The following ANKRD44 variants were observed in gnomAD, a reference collection of about 807,000 sequenced individuals.
ANKRD44 encodes serine/threonine-protein phosphatase 6 regulatory ankyrin repeat subunit B.
In ANKRD44, 35 loss-of-function variants were observed where a neutral mutation model predicts 116.0. The observed-to-expected ratio is 0.30, with a 90% CI of 0.23 to 0.40. The LOEUF (loss-of-function observed/expected upper bound fraction) is 0.40, where lower values mean the gene tolerates loss of function less well. Ranked by LOEUF, ANKRD44 falls within the 10% of genes least tolerant of loss-of-function variation. ANKRD44 has a pLI of 1.00. For missense variants in ANKRD44, 1,014 were observed against 1,242.6 expected (o/e 0.82, Z 2.77); for synonymous variants, 435 against 461.8 (o/e 0.94, Z 0.74).
chr2:197,047,566 G>A (rs1458750537), intron 16 of ANKRD44, among the ~76,000 whole-genome samples: 2 of 152,132 alleles, frequency 1.3e-5, no homozygotes, highest in African/African-American at 4.8e-5. Context: ...ATGCTTTATA[G>A]GAACTTAGAG....
chr2:197,175,265 C>A (rs1419671994), intron 2 of ANKRD44, among the ~76,000 whole-genome samples: 2 of 152,104 alleles, frequency 1.3e-5, no homozygotes, highest in Non-Finnish European at 2.9e-5. Flanking sequence ...TACTTCCCAA[C>A]CATTAGGTTA....
intron 1 of ANKRD44, among the ~76,000 whole-genome samples, chr2:197,257,166 G>T (rs2082470781): frequency 6.6e-6 from 1 of 152,216 alleles, no homozygotes; most frequent in Non-Finnish European, 1.5e-5. Context: ...CTTGGAGGTG[G>T]CAGCTATCAC....
rs573364349 is a variant in ANKRD44 at position 197,309,954 on chromosome 2, G to A, written c.27+624C>T. Among the ~76,000 whole-genome samples the A allele has an allele frequency of 3.0e-3, 453 of 152,320 alleles. 1 individual carries two copies. Among genetic ancestry groups the A allele is most frequent in the Non-Finnish European group, 5.4e-3 (366 of 68,018 alleles). On this transcript the variant is annotated intron_variant, in intron 1 of 27. Transcript: ENST00000282272. ...GCAGACCGTAGCCCACCGCCTGTGA[G>A]TGGAGGCTCCGAGCCGACTTCACCT...
chr2:197,118,637 GAGAA>G (rs71012953), intron 8 of ANKRD44, among the ~76,000 whole-genome samples: 1,848 of 112,438 alleles, frequency 0.016, 14 homozygotes, highest in South Asian at 0.027. Flanking sequence ...GAGAGAGAGA[GAGAA>G]AGAAAGAAAG....
intron 1 of ANKRD44, among the ~76,000 whole-genome samples, chr2:197,235,006 T>C (rs917813881): frequency 3.3e-5 from 5 of 152,194 alleles, no homozygotes; most frequent in African/African-American, 1.2e-4. Context: ...ACAGCAGGTG[T>C]TCAATCAGCC....
At chr2:197,020,111 C>T (rs952120255) in intron 17 of ANKRD44, among the ~76,000 whole-genome samples, 15 of 152,212 alleles carry the variant, frequency 9.9e-5, no homozygotes, top group South Asian at 4.2e-4. Flanking sequence ...CCACCACATC[C>T]GGCCACACAA....
At chr2:197,248,491 G>A (rs139718888) in intron 1 of ANKRD44, among the ~76,000 whole-genome samples, 2 of 150,870 alleles carry the variant, frequency 1.3e-5, no homozygotes, top group African/African-American at 4.9e-5. Context: ...GTTCCTCCGT[G>A]ATCATGTAAG....
chr2:197,175,802 AC>A lies in ANKRD44; in HGVS notation c.111+11220del, dbSNP rs1176474260. 2.0e-5 allele frequency among the ~76,000 whole-genome samples: 3 copies of A among 152,226 alleles called. No individual in the cohort carries two copies. The East Asian group carries it at 5.8e-4, about 29-fold the overall frequency. ...AACTGAGGTTATTCATGACAGTATT[AC>A]ATAAATGATACATATTTCTGTACTC... is the stretch of plus-strand genomic sequence containing the variant. On this transcript the variant is annotated intron_variant, in intron 2 of 27. Transcript: ENST00000282272.
intron 16 of ANKRD44, among the ~76,000 whole-genome samples, chr2:197,061,393 T>C (rs1418464258): frequency 6.6e-6 from 1 of 152,206 alleles, no homozygotes; most frequent in Non-Finnish European, 1.5e-5. Context: ...TGGCAGCCCC[T>C]GCACTGTCAT....
At chr2:197,023,054 AC>A (rs1424572938) in intron 17 of ANKRD44, among the ~76,000 whole-genome samples, 2 of 152,210 alleles carry the variant, frequency 1.3e-5, no homozygotes, top group African/African-American at 4.8e-5. Context: ...GGCACTATTC[AC>A]AGTCAGTGTA....
intron 1 of ANKRD44, among the ~76,000 whole-genome samples, chr2:197,310,157 G>A (rs1319406503): frequency 6.6e-6 from 1 of 152,190 alleles, no homozygotes; most frequent in Non-Finnish European, 1.5e-5. Flanking sequence ...TAGGTTTGGG[G>A]AGGGGTCCCA....
chr2:197,275,785 T>C (rs957598906), intron 1 of ANKRD44, among the ~76,000 whole-genome samples: 1 of 152,294 alleles, frequency 6.6e-6, no homozygotes, highest in Admixed American at 6.5e-5. Flanking sequence ...TACAGTGCTC[T>C]AGAAAATTTC....
At position 197,007,670 on chromosome 2, in the gene ANKRD44, G is replaced by A. The variant is rs143809761; in HGVS notation, c.2130+136C>T. ...TTGGACTGAATAAGGTTAATTGGTT[G>A]TATTAGGAAACAATTTTTGCTAAAC... is the stretch of plus-strand genomic sequence containing the variant. On this transcript the variant is annotated intron_variant, in intron 20 of 27. Coordinates refer to ENST00000282272, the MANE Select transcript of ANKRD44 (RefSeq NM_001195144.2). 229 of 645,614 alleles carry A rather than the reference G, an allele frequency of 3.5e-4. No homozygotes were observed. The African/African-American group carries it at 3.8e-3, about 11-fold the overall frequency. The allele number at this position is 645,614 out of a possible 1,614,324, so 40.0% of individuals were successfully genotyped here. A position where few individuals can be genotyped will look rare whatever the true frequency, so the allele number is the denominator to read the frequency against.
intron 16 of ANKRD44, among the ~76,000 whole-genome samples, chr2:197,042,782 A>G (rs2076934791): frequency 6.6e-6 from 1 of 152,254 alleles, no homozygotes; most frequent in South Asian, 2.1e-4. Flanking sequence ...CAATTCTGAA[A>G]GTGAATCATG....
chr2:197,026,448 C>A (rs971669569), intron 16 of ANKRD44, among the ~76,000 whole-genome samples: 2 of 152,110 alleles, frequency 1.3e-5, no homozygotes, highest in South Asian at 4.2e-4. Flanking sequence ...GATGAGGGAG[C>A]CTTGTGAATA....
chr2:196,981,482 A>C (rs1201812605), intron 21 of ANKRD44, among the ~76,000 whole-genome samples: 1 of 152,126 alleles, frequency 6.6e-6, no homozygotes, highest in Non-Finnish European at 1.5e-5. Flanking sequence ...TTACTCTAAA[A>C]TGTTCTCTCC....
At chr2:197,008,810 G>T in intron 19 of ANKRD44, 134 bp downstream of exon 19, 2 of 723,314 alleles carry the variant, frequency 2.8e-6, no homozygotes, top group East Asian at 2.6e-5. Context: ...CCACCTCATT[G>T]TGTATTGGTC....
At chr2:197,093,975 T>C (rs2078104187) in intron 10 of ANKRD44, among the ~76,000 whole-genome samples, 1 of 152,246 alleles carries the variant, frequency 6.6e-6, no homozygotes, top group East Asian at 1.9e-4. Context: ...AACACATTTA[T>C]ATTAGCTAGT....
At chr2:197,142,913 G>A (rs1208061283) in intron 3 of ANKRD44, among the ~76,000 whole-genome samples, 2 of 151,588 alleles carry the variant, frequency 1.3e-5, no homozygotes, top group Non-Finnish European at 2.9e-5. Context: ...GCCAAGATGG[G>A]AGGATCACTT....
Sources: gnomAD v4.1 joint callset for allele counts (sites outside exome capture counted in the v4.1 genomes callset) on GRCh38, gnomAD v4.1.1 for gene constraint, MANE v1.5 for transcripts, NCBI Gene and HGNC (gene_info 2026-07-23, HGNC 2026-07-21) for gene names.